ACP1: variants seen among roughly 807,000 people sequenced by gnomAD.
ACP1 encodes low molecular weight phosphotyrosine protein phosphatase.
A neutral mutation model predicts 23.4 loss-of-function variants in ACP1; 23 were observed. That is an observed-to-expected ratio of 0.98 (90% CI 0.71 to 1.39). ACP1 has a LOEUF of 1.39. Among genes scored for constraint, ACP1 ranks in the 40% most tolerant of loss-of-function variants. The pLI is 0.00. For missense variants in ACP1, 180 were observed against 197.7 expected, an observed-to-expected ratio of 0.91 and a Z score of 0.54; for synonymous variants, 72 against 67.2, an observed-to-expected ratio of 1.07 and a Z score of -0.35.
chr2:272,078 GAACCC>G lies in ACP1; in HGVS notation c.160_164del (p.Asn54ProfsTer2). On this transcript the variant is annotated frameshift_variant, in exon 3 of 6. Transcript: ENST00000272065. LOFTEE classifies it high-confidence loss of function. ...CGGCAACTTCCGGGTATGAGATAGG[GAACCC>G]CCCTGACTACCGAGGGCAGAGCTGC... The G allele has an allele frequency of 6.2e-7, 1 of 1,614,110 alleles. No homozygotes were observed. Among genetic ancestry groups the G allele is most frequent in the Non-Finnish European group, 8.5e-7 (1 of 1,180,024 alleles).
intron 4 of ACP1, among the ~76,000 whole-genome samples, chr2:275,919 G>A (rs750687748): frequency 2.6e-5 from 4 of 152,176 alleles, no homozygotes; most frequent in Non-Finnish European, 5.9e-5. Context: ...AGATAGGGAT[G>A]CACCAGTTTC....
intron 3 of ACP1, 90 bp downstream of exon 3, chr2:272,240 C>A (rs200503887): frequency 1.2e-6 from 2 of 1,614,158 alleles, no homozygotes; most frequent in East Asian, 2.2e-5. Flanking sequence ...GGGCCGGTCC[C>A]CAGACCCAAG....
At position 277,366 on chromosome 2, in the gene ACP1, T is replaced by A; in HGVS notation, c.*62T>A. The A allele has an allele frequency of 6.9e-7, 1 of 1,454,126 alleles. No homozygotes were observed. Among genetic ancestry groups the A allele is most frequent in the South Asian group, 1.1e-5 (1 of 87,892 alleles). The allele number at this position is 1,454,126 out of a possible 1,614,324, so 90.1% of individuals were successfully genotyped here. A position where few individuals can be genotyped will look rare whatever the true frequency, so the allele number is the denominator to read the frequency against. On this transcript the variant is annotated 3_prime_UTR_variant, in exon 6 of 6. Transcript: ENST00000272065. ...ACCCCACCCTGAGGTCCTGCATTTCTCAGTCGGTGTGTAATCACGTTCCAG... is the reference window on the plus strand; with the variant it reads ...ACCCCACCCTGAGGTCCTGCATTTCACAGTCGGTGTGTAATCACGTTCCAG...
intron 3 of ACP1, among the ~76,000 whole-genome samples, chr2:273,471 AC>A (rs1279665165): frequency 1.3e-5 from 2 of 152,154 alleles, no homozygotes; most frequent in African/African-American, 4.8e-5. Flanking sequence ...TTTTTGAGGC[AC>A]CTTTTTTATG....
chr2:269,861 C>G (rs1160589527), intron 1 of ACP1, among the ~76,000 whole-genome samples: 7 of 152,228 alleles, frequency 4.6e-5, no homozygotes, highest in African/African-American at 1.7e-4. Context: ...GGATCATTTC[C>G]TTTTGTCCAG....
chr2:270,365 C>T (rs1572195882), intron 1 of ACP1, among the ~76,000 whole-genome samples: 1 of 152,174 alleles, frequency 6.6e-6, no homozygotes, highest in Admixed American at 6.5e-5. Context: ...GACACTGGCT[C>T]TCTGTACCTG....
intron 4 of ACP1, among the ~76,000 whole-genome samples, chr2:276,647 T>C (rs1670181292): frequency 6.6e-6 from 1 of 152,194 alleles, no homozygotes; most frequent in Non-Finnish European, 1.5e-5. Context: ...TGGGACTGGT[T>C]CAGATGGTGT....
chr2:275,522 A>C (rs1466002898), intron 4 of ACP1: 1 of 175,172 alleles, frequency 5.7e-6, no homozygotes, highest in Non-Finnish European at 1.2e-5. Context: ...TTTTTGCTGT[A>C]ATGATTCCTG....
intron 1 of ACP1, chr2:266,264 C>G (rs1387422640): frequency 1.3e-5 from 2 of 152,184 alleles, no homozygotes; most frequent in African/African-American, 4.8e-5. Context: ...TAGAAGTTAA[C>G]TTCTGTGAAA....
At chr2:266,560 G>A (rs1394448556) in intron 1 of ACP1, among the ~76,000 whole-genome samples, 1 of 152,130 alleles carries the variant, frequency 6.6e-6, no homozygotes, top group East Asian at 1.9e-4. Context: ...AGTGGATCCC[G>A]AAACTGTGGG....
Position 265,011 on chromosome 2 carries a change from A to G in ACP1, c.43+4A>G, listed in dbSNP as rs932071954. Reference sequence around the variant, plus strand: ...TCCGTGCTGTTTGTGTGTCTGGGTAAGAGGGCGCCGACTTACTCATGTTCT... The same window carrying G: ...TCCGTGCTGTTTGTGTGTCTGGGTAGGAGGGCGCCGACTTACTCATGTTCT... On this transcript the variant is annotated splice_donor_region_variant and intron_variant, in intron 1 of 5. Coordinates refer to ENST00000272065, the MANE Select transcript of ACP1 (RefSeq NM_004300.4). 3 of 1,612,842 alleles carry G rather than the reference A, an allele frequency of 1.9e-6. No individual in the cohort carries two copies. Among genetic ancestry groups the G allele is most frequent in the East Asian group, 2.2e-5 (1 of 44,776 alleles).
intron 4 of ACP1, among the ~76,000 whole-genome samples, chr2:276,175 C>T (rs1670166047): frequency 6.6e-6 from 1 of 152,138 alleles, no homozygotes; most frequent in Admixed American, 6.5e-5. Flanking sequence ...GGAAGCTCCT[C>T]CTTGCTTCTT....
At chr2:269,162 T>C (rs768907823) in intron 1 of ACP1, 2 of 351,896 alleles carry the variant, frequency 5.7e-6, no homozygotes, top group South Asian at 4.5e-5. Context: ...CTTTCAATAA[T>C]TAAAATAGTG....
At chr2:265,244 C>G in intron 1 of ACP1, 1 of 491,934 alleles carries the variant, frequency 2.0e-6, no homozygotes, top group Non-Finnish European at 3.6e-6. Context: ...ATCCGGGGCT[C>G]TTGGCATCTG....
rs775358152 is a variant in ACP1 at position 272,148 on chromosome 2, C to G, written c.229C>G (p.Gln77Glu). The G allele has an allele frequency of 6.2e-7, 1 of 1,614,204 alleles. No individual in the cohort carries two copies. Among genetic ancestry groups the G allele is most frequent in the African/African-American group, 1.3e-5 (1 of 75,058 alleles). Residue 77 changes from glutamine (Q) to glutamate (E), a missense_variant and splice_region_variant, in exon 3 of 6, where the codon CAG (glutamine) becomes GAG (glutamate). By Grantham distance (29) the Gln-to-Glu change is conservative (BLOSUM62 2). Around this residue, in one of 3 missense-constraint regions of ACP1, gnomAD observed 132 missense variants for 124.1 expected, o/e 1.06. Coordinates refer to ENST00000272065, the MANE Select transcript of ACP1 (RefSeq NM_004300.4). ...CATTCCCATGAGCCACGTTGCCCGG[C>G]AGGTACCGTCCTTGGACTTGAAGTT... ...HGIPMSHVAR[Q>E]ITKEDFATFD...
intron 3 of ACP1, among the ~76,000 whole-genome samples, chr2:273,837 C>T (rs959214879): frequency 5.7e-4 from 86 of 151,970 alleles, no homozygotes; most frequent in Admixed American, 5.6e-3. Flanking sequence ...GTATTAAATC[C>T]TAGGGAATTT....
At chr2:267,701 C>T (rs923939859) in intron 1 of ACP1, among the ~76,000 whole-genome samples, 4 of 152,228 alleles carry the variant, frequency 2.6e-5, no homozygotes, top group African/African-American at 9.7e-5. Flanking sequence ...TTTCTCAGTG[C>T]TTCCATTGTA....
rs537605606 is a variant in ACP1 at position 276,422 on chromosome 2, C to T, written c.294-558C>T. ...AACTCATCTGTCGCAGGTGCTCAGTCGAAATTTGTTAAATAAATGGAGGCG... is the reference window on the plus strand; with the variant it reads ...AACTCATCTGTCGCAGGTGCTCAGTTGAAATTTGTTAAATAAATGGAGGCG... On this transcript the variant is annotated intron_variant, in intron 4 of 5. Coordinates refer to ENST00000272065, the MANE Select transcript of ACP1 (RefSeq NM_004300.4). Among the ~76,000 whole-genome samples the T allele has an allele frequency of 1.4e-4, 21 of 152,224 alleles. 1 individual carries two copies. Among genetic ancestry groups the T allele is most frequent in the African/African-American group, 3.9e-4 (16 of 41,530 alleles).
intron 4 of ACP1, 75 bp downstream of exon 4, chr2:275,276 T>G: frequency 1.2e-6 from 1 of 819,810 alleles, no homozygotes; most frequent in Non-Finnish European, 1.9e-6. Context: ...TTGTCCAGAT[T>G]TACTTTTTCT....
Sources: gnomAD v4.1 joint callset for allele counts (sites outside exome capture counted in the v4.1 genomes callset) on GRCh38, gnomAD v4.1.1 for gene constraint, gnomAD v4.1.1 regional missense constraint, MANE v1.5 for transcripts, NCBI Gene and HGNC (gene_info 2026-07-23, HGNC 2026-07-21) for gene names.